KCNIP2: variants seen among roughly 807,000 people sequenced by gnomAD.
The protein encoded by KCNIP2 is A-type potassium channel modulatory protein KCNIP2.
KCNIP2 carries 19 observed loss-of-function variants against 39.0 expected under a neutral mutation model. That is an observed-to-expected ratio of 0.49 (90% CI 0.34 to 0.71). KCNIP2 has a LOEUF of 0.71. KCNIP2 is among the 30% of genes least tolerant of loss of function. The pLI, the probability that KCNIP2 is intolerant of heterozygous loss-of-function variation, is 0.01. For synonymous variants in KCNIP2, 111 were observed against 131.2 expected, an observed-to-expected ratio of 0.85 and a Z score of 1.05; for missense variants, 261 against 346.0, an observed-to-expected ratio of 0.75 and a Z score of 1.95.
intron 1 of KCNIP2, among the ~76,000 whole-genome samples, chr10:101,832,197 T>C (rs1230299210): frequency 6.6e-6 from 1 of 152,188 alleles, no homozygotes; most frequent in Non-Finnish European, 1.5e-5. Context: ...TGTGGGGCTA[T>C]CCATGGCCCA....
At chr10:101,836,087 C>T (rs2066146978) in intron 1 of KCNIP2, among the ~76,000 whole-genome samples, 1 of 152,110 alleles carries the variant, frequency 6.6e-6, no homozygotes, top group Non-Finnish European at 1.5e-5. Flanking sequence ...TGTGTCTCAG[C>T]CCAATTTGTG....
chr10:101,833,895 G>A (rs1381201950), intron 1 of KCNIP2, among the ~76,000 whole-genome samples: 2 of 151,758 alleles, frequency 1.3e-5, no homozygotes, highest in African/African-American at 4.8e-5. Context: ...GTTATCTCAG[G>A]ATCCCTAGAA....
Position 101,827,299 on chromosome 10 carries a change from G to T in KCNIP2, c.*54C>A. On this transcript the variant is annotated 3_prime_UTR_variant, in exon 10 of 10. Coordinates refer to ENST00000356640, the MANE Select transcript of KCNIP2 (RefSeq NM_173191.3). Reference sequence around the variant, plus strand: ...GGAAGAGAAGGGTGAGGTCCGCCTGGACTAGGGTTAGAGCATGGTCCCCCC... The same window carrying T: ...GGAAGAGAAGGGTGAGGTCCGCCTGTACTAGGGTTAGAGCATGGTCCCCCC... 3 of 1,549,518 alleles carry T rather than the reference G, an allele frequency of 1.9e-6. No individual in the cohort carries two copies. In the South Asian group the frequency reaches 3.7e-5, roughly 19 times the overall value.
At position 101,827,694 on chromosome 10, in the gene KCNIP2, G is replaced by C. The variant is rs766195922; in HGVS notation, c.760C>G (p.Gln254Glu). Residue 254 changes from glutamine to glutamate, a missense_variant, in exon 9 of 10, where the codon CAA becomes GAA. Gln to Glu is a conservative substitution (Grantham distance 29, BLOSUM62 2). Coordinates refer to ENST00000356640, the MANE Select transcript of KCNIP2 (RefSeq NM_173191.3). ...TAGAGGGCAGGGAGCTGTACCTTTTGACAAGACTCAATGAATTCCTCAATG... is the reference window on the plus strand; with the variant it reads ...TAGAGGGCAGGGAGCTGTACCTTTTCACAAGACTCAATGAATTCCTCAATG... Reference protein sequence around the residue: ...VTIEEFIESCQKDENIMRSMQ... With the variant: ...VTIEEFIESCEKDENIMRSMQ... 4 of 1,613,982 alleles carry C rather than the reference G, an allele frequency of 2.5e-6. No individual in the cohort carries two copies. The highest frequency in any genetic ancestry group is 1.6e-4 in the Middle Eastern group (1 of 6,084).
chr10:101,836,729 G>A (rs1298054241), intron 1 of KCNIP2, among the ~76,000 whole-genome samples: 3 of 152,300 alleles, frequency 2.0e-5, no homozygotes, highest in African/African-American at 4.8e-5. Flanking sequence ...CTGGGAGGTC[G>A]AGGCAGGTGG....
At chr10:101,829,222 C>T (rs368211386) in intron 3 of KCNIP2, 23 bp from the exon 4 acceptor site, 18 of 1,601,226 alleles carry the variant, frequency 1.1e-5, no homozygotes, top group African/African-American at 6.7e-5. Flanking sequence ...TGAGGACAGC[C>T]GCGCCTCAGG....
Position 101,830,681 on chromosome 10 carries a change from C to CCACA in KCNIP2, c.169+387_169+390dup, listed in dbSNP as rs61337190. Among the ~76,000 whole-genome samples the CCACA allele has an allele frequency of 4.4e-3, 633 of 145,296 alleles. 1 individual carries two copies. Among genetic ancestry groups the CCACA allele is most frequent in the Middle Eastern group, 0.014 (4 of 282 alleles). On this transcript the variant is annotated intron_variant, in intron 2 of 9. Coordinates refer to ENST00000356640, the MANE Select transcript of KCNIP2 (RefSeq NM_173191.3). ...CCCGCCCTCGCCACGCTGGTCACGC[C>CCACA]CACACACACACACACACACACACAC...
chr10:101,827,841 CT>C (rs2065796708), intron 8 of KCNIP2, 47 bp downstream of exon 8: 2 of 1,556,358 alleles, frequency 1.3e-6, no homozygotes, highest in East Asian at 4.5e-5. Context: ...GGTTCTTGGC[CT>C]TCTTCCCTTC....
intron 2 of KCNIP2, chr10:101,830,387 G>T: frequency 7.8e-7 from 1 of 1,284,344 alleles, no homozygotes; most frequent in Non-Finnish European, 1.0e-6. Context: ...AAACACGGTG[G>T]GGAAGGGGGC....
Position 101,829,359 on chromosome 10 carries a change from G to C in KCNIP2, c.224-160C>G, listed in dbSNP as rs1026645793. 26 of 905,620 alleles carry C rather than the reference G, an allele frequency of 2.9e-5. No individual in the cohort carries two copies. In the East Asian group the frequency reaches 7.1e-4, roughly 25 times the overall value. 56.1% of individuals were successfully genotyped at this position (905,620 alleles called of 1,614,324 possible). A position where few individuals can be genotyped will look rare whatever the true frequency, so the allele number is the denominator to read the frequency against. On this transcript the variant is annotated intron_variant, in intron 3 of 9. Transcript: ENST00000356640. ...CCCGAGCCAAGGACACTGAGGTAAG[G>C]AGAAAAGATGATGGCCATCTTCGAG...
rs1432333384 is a variant in KCNIP2 at position 101,828,731 on chromosome 10, C to A, written c.349-35G>T. The A allele has an allele frequency of 6.2e-7, 1 of 1,614,046 alleles. No individual in the cohort carries two copies. Among genetic ancestry groups the A allele is most frequent in the Non-Finnish European group, 8.5e-7 (1 of 1,179,922 alleles). ...GAGGGCACCAGGCTGAGGGCAGAGA[C>A]AAAATCCCCTTCCGTTCACCGCCCC... On this transcript the variant is annotated intron_variant, in intron 4 of 9. Coordinates refer to ENST00000356640, the MANE Select transcript of KCNIP2 (RefSeq NM_173191.3). This position sits in a 1 kb window ranked among gnomAD's most constrained non-coding sequence, Gnocchi z 6.6.
At chr10:101,832,018 A>G (rs1167874789) in intron 1 of KCNIP2, among the ~76,000 whole-genome samples, 1 of 152,116 alleles carries the variant, frequency 6.6e-6, no homozygotes, top group African/African-American at 2.4e-5. Context: ...CCTCATTCCA[A>G]GGTGCCCAGA....
chr10:101,830,801 G>A (rs2065959339), intron 2 of KCNIP2, among the ~76,000 whole-genome samples: 2 of 142,830 alleles, frequency 1.4e-5, no homozygotes, highest in East Asian at 2.1e-4. Context: ...CCTGGGGCAC[G>A]CCCTCCACAC....
At position 101,828,608 on chromosome 10, in the gene KCNIP2, T is replaced by C. The variant is rs1357137469; in HGVS notation, c.418+19A>G. ...CCTAGAGAAGGACAACTGCTTCCCC[T>C]TGGGCCTTGTCCCCTCACCTCCTTG... is the stretch of plus-strand genomic sequence containing the variant. On this transcript the variant is annotated intron_variant, in intron 5 of 9. Coordinates refer to ENST00000356640, the MANE Select transcript of KCNIP2 (RefSeq NM_173191.3). The surrounding 1 kb of genome is among the most constrained non-coding windows in gnomAD (Gnocchi z 6.6). 2 of 1,611,962 alleles carry C rather than the reference T, an allele frequency of 1.2e-6. No homozygotes were observed. The highest frequency in any genetic ancestry group is 1.3e-5 in the African/African-American group (1 of 74,884).
chr10:101,842,534 G>C (rs930496944), intron 1 of KCNIP2, among the ~76,000 whole-genome samples: 5 of 152,248 alleles, frequency 3.3e-5, no homozygotes, highest in African/African-American at 1.2e-4. Flanking sequence ...GGATTCAGTT[G>C]TAAGAATAAT....
Position 101,828,716 on chromosome 10 carries a change from G to C in KCNIP2, c.349-20C>G. 6.2e-7 allele frequency: 1 copy of C among 1,614,128 alleles called. No homozygotes were observed. Among genetic ancestry groups the C allele is most frequent in the Non-Finnish European group, 8.5e-7 (1 of 1,179,998 alleles). On this transcript the variant is annotated intron_variant, in intron 4 of 9. Coordinates refer to ENST00000356640, the MANE Select transcript of KCNIP2 (RefSeq NM_173191.3). The surrounding 1 kb of genome is among the most constrained non-coding windows in gnomAD (Gnocchi z 6.6). ...ACATTCCTGGAAGGAGAGGGCACCA[G>C]GCTGAGGGCAGAGACAAAATCCCCT...
intron 1 of KCNIP2, among the ~76,000 whole-genome samples, chr10:101,831,715 C>T (rs1316770178): frequency 6.6e-6 from 1 of 152,098 alleles, no homozygotes; most frequent in Non-Finnish European, 1.5e-5. Context: ...CTAAGTAAAA[C>T]AGGATGCATA....
chr10:101,829,448 C>T (rs908475210), intron 3 of KCNIP2: 12 of 510,382 alleles, frequency 2.4e-5, no homozygotes, highest in East Asian at 3.6e-5. Context: ...GTGCTCGCCC[C>T]GCGGCCCTCG....
intron 2 of KCNIP2, chr10:101,830,310 G>A (rs1589861215): frequency 3.1e-6 from 3 of 963,328 alleles, no homozygotes; most frequent in East Asian, 1.3e-4. Context: ...TCTGGAGGAG[G>A]GCAGGCGCCA....
Sources: allele counts gnomAD v4.1 joint callset (sites outside exome capture counted in the v4.1 genomes callset), GRCh38; gene constraint gnomAD v4.1.1; non-coding constraint Gnocchi (gnomAD v3.1); transcripts MANE v1.5; gene names NCBI Gene and HGNC (gene_info 2026-07-23, HGNC 2026-07-21).